SP100: variants seen among roughly 807,000 people sequenced by gnomAD.
SP100 encodes the protein SP100 nuclear body protein, also known as nuclear autoantigen Sp-100.
In SP100, 84 loss-of-function variants were observed where a neutral mutation model predicts 130.0. The ratio of observed to expected loss-of-function variants is 0.65; its 90% CI spans 0.54 to 0.77. The LOEUF (loss-of-function observed/expected upper bound fraction) is 0.77. SP100 is among the 30% of genes least tolerant of loss of function. SP100 has a pLI of 0.00. For missense variants in SP100, 978 were observed against 1,052.2 expected (o/e 0.93, Z 0.97); for synonymous variants, 331 against 351.7 (o/e 0.94, Z 0.66).
chr2:230,472,020 T>C (rs1285979978), intron 15 of SP100, among the ~76,000 whole-genome samples: 1 of 152,106 alleles, frequency 6.6e-6, no homozygotes, highest in Non-Finnish European at 1.5e-5. Context: ...GGCTATGTGG[T>C]CAGTGTCCTA....
At chr2:230,485,295 C>T (rs925411363) in intron 17 of SP100, among the ~76,000 whole-genome samples, 2 of 151,978 alleles carry the variant, frequency 1.3e-5, no homozygotes, top group Non-Finnish European at 2.9e-5. Context: ...AACAGTCTTC[C>T]ATAGCTTCTC....
chr2:230,528,028 A>C (rs187971283), intron 24 of SP100, among the ~76,000 whole-genome samples: 4 of 152,318 alleles, frequency 2.6e-5, no homozygotes, highest in Non-Finnish European at 2.9e-5. Flanking sequence ...AATGAGACAG[A>C]AGGTTAACAA....
At chr2:230,494,328 T>C in intron 17 of SP100, 88 bp from the exon 18 acceptor site, 1 of 1,061,924 alleles carries the variant, frequency 9.4e-7, no homozygotes, top group Non-Finnish European at 1.4e-6. Flanking sequence ...GAAAACAAAA[T>C]TCAATGCTTG....
intron 14 of SP100, chr2:230,469,361 A>C: frequency 1.9e-6 from 1 of 515,744 alleles, no homozygotes; most frequent in Non-Finnish European, 3.7e-6. Flanking sequence ...GTGCCCACAC[A>C]GTCATTCAGG....
rs1173270809 is a variant in SP100 at position 230,540,829 on chromosome 2, C to G, written c.2211-47C>G. 5 of 1,575,868 alleles carry G rather than the reference C, an allele frequency of 3.2e-6. No homozygotes were observed. In the East Asian group the frequency reaches 6.8e-5, roughly 21 times the overall value. The stretch of plus-strand genomic sequence containing the variant: ...ACTTGAACAACTGTAGGAATGGCGG[C>G]TGATTCACAGAACCTGCCATTGCTC... On this transcript the variant is annotated intron_variant, in intron 25 of 28. Coordinates refer to ENST00000340126, the MANE Select transcript of SP100 (RefSeq NM_001080391.2).
At chr2:230,438,645 A>ATG (rs2063370049) in intron 2 of SP100, among the ~76,000 whole-genome samples, 4 of 117,982 alleles carry the variant, frequency 3.4e-5, no homozygotes, top group African/African-American at 1.2e-4. Context: ...TGGTGTATAT[A>ATG]TATACACACA....
At chr2:230,416,900 T>C in intron 1 of SP100, 3 of 985,348 alleles carry the variant, frequency 3.0e-6, no homozygotes. Flanking sequence ...CGGCTAAATA[T>C]TTTCATTTTT....
intron 9 of SP100, among the ~76,000 whole-genome samples, chr2:230,462,002 C>T (rs1050648521): frequency 5.4e-5 from 8 of 148,960 alleles, no homozygotes; most frequent in African/African-American, 9.9e-5. Flanking sequence ...GAGAGGAAGG[C>T]ATGGGAGAGG....
chr2:230,488,442 C>G (rs1211202137), intron 17 of SP100, among the ~76,000 whole-genome samples: 1 of 152,134 alleles, frequency 6.6e-6, no homozygotes, highest in Non-Finnish European at 1.5e-5. Flanking sequence ...GAGACGGAGT[C>G]TCAGTCTGTT....
intron 11 of SP100, 28 bp downstream of exon 11, chr2:230,464,178 A>T (rs1466364981): frequency 7.6e-7 from 1 of 1,322,148 alleles, no homozygotes; most frequent in Non-Finnish European, 1.1e-6. Context: ...GCAACCCGAG[A>T]CTGTAGAATA....
Position 230,432,801 on chromosome 2 carries a change from T to C in SP100, c.108-10136T>C, listed in dbSNP as rs533476964. Among the ~76,000 whole-genome samples, 20 of 152,328 alleles carry C rather than the reference T, an allele frequency of 1.3e-4. No individual in the cohort carries two copies. In the East Asian group the frequency reaches 3.9e-3, roughly 29 times the overall value. On this transcript the variant is annotated intron_variant, in intron 2 of 28. Transcript: ENST00000340126. The stretch of plus-strand genomic sequence containing the variant: ...TCCCAGACTGTGACTAATCTTTTCT[T>C]TCTCTTTATGGTATATTTGAGGCAC...
At chr2:230,471,216 CAG>C (rs1342770928) in intron 15 of SP100, among the ~76,000 whole-genome samples, 7 of 152,114 alleles carry the variant, frequency 4.6e-5, no homozygotes, top group African/African-American at 1.7e-4. Flanking sequence ...ATCAAAGAGA[CAG>C]AGACAAAAAT....
chr2:230,458,546 C>G (rs905223187), intron 8 of SP100, among the ~76,000 whole-genome samples: 1 of 152,138 alleles, frequency 6.6e-6, no homozygotes, highest in Non-Finnish European at 1.5e-5. Flanking sequence ...GACATGGTAT[C>G]CATACATTGT....
At chr2:230,431,307 A>G (rs936572374) in intron 2 of SP100, among the ~76,000 whole-genome samples, 6 of 152,216 alleles carry the variant, frequency 3.9e-5, no homozygotes, top group Non-Finnish European at 7.4e-5. Context: ...CCAGAATGCC[A>G]GGGAAGCTGG....
At chr2:230,472,494 G>A (rs1328630002) in intron 15 of SP100, among the ~76,000 whole-genome samples, 2 of 141,874 alleles carry the variant, frequency 1.4e-5, no homozygotes, top group African/African-American at 5.4e-5. Context: ...AGAGAGAATA[G>A]AAGGAGGAAG....
chr2:230,486,546 G>A (rs2066109225), intron 17 of SP100, among the ~76,000 whole-genome samples: 1 of 151,838 alleles, frequency 6.6e-6, no homozygotes, highest in African/African-American at 2.4e-5. Context: ...TGGTGTAGAT[G>A]TACCACATTT....
chr2:230,419,819 C>G (rs955153276), intron 2 of SP100, among the ~76,000 whole-genome samples: 10 of 152,186 alleles, frequency 6.6e-5, no homozygotes, highest in Middle Eastern at 3.4e-3. Flanking sequence ...GGAAGCATCC[C>G]CTGTGGATAG....
intron 2 of SP100, among the ~76,000 whole-genome samples, chr2:230,433,735 T>C (rs2063165115): frequency 6.6e-6 from 1 of 151,892 alleles, no homozygotes; most frequent in Non-Finnish European, 1.5e-5. Context: ...TTTTATTATT[T>C]TGCCTACCTT....
At chr2:230,507,399 A>C (rs1690198850) in intron 22 of SP100, 1 of 152,426 alleles carries the variant, frequency 6.6e-6, no homozygotes. Flanking sequence ...AAATAAATAA[A>C]TAACTATTAC....
Sources: allele counts gnomAD v4.1 joint callset (sites outside exome capture counted in the v4.1 genomes callset), GRCh38; gene constraint gnomAD v4.1.1; transcripts MANE v1.5; gene names NCBI Gene and HGNC (gene_info 2026-07-23, HGNC 2026-07-21).